PTPN21: variants seen among roughly 807,000 people sequenced by gnomAD.
PTPN21 encodes the protein tyrosine-protein phosphatase non-receptor type 21.
Under a neutral mutation model 131.8 loss-of-function variants are expected in PTPN21, and 77 were observed. That is an observed-to-expected ratio of 0.58 (90% CI 0.49 to 0.71). The LOEUF (loss-of-function observed/expected upper bound fraction) is 0.71, where lower values mean the gene tolerates loss of function less well. Ranked by LOEUF, PTPN21 falls within the 30% of genes least tolerant of loss-of-function variation. The probability of loss-of-function intolerance (pLI) is 0.00; values close to 1 mark genes in which losing one functional copy is unlikely to be tolerated. For synonymous variants in PTPN21, 715 were observed against 621.3 expected (o/e 1.15, Z -2.24); for missense variants, 1,552 against 1,527.1 (o/e 1.02, Z -0.27).
intron 2 of PTPN21, among the ~76,000 whole-genome samples, chr14:88,542,154 G>A (rs759299009): frequency 3.3e-4 from 50 of 152,188 alleles, no homozygotes; most frequent in Non-Finnish European, 5.4e-4. Flanking sequence ...CTTAAGTTTA[G>A]TTTCCTAATT....
intron 2 of PTPN21, among the ~76,000 whole-genome samples, chr14:88,534,132 G>C (rs2078593866): frequency 6.6e-6 from 1 of 151,930 alleles, no homozygotes; most frequent in Admixed American, 6.6e-5. Flanking sequence ...AGCATTTTGG[G>C]AGGCCAAGGT....
rs560582395 is a variant in PTPN21, at chr14:88,518,307, T to C, written c.181-1046A>G. On this transcript the variant is annotated intron_variant, in intron 2 of 18. Transcript: ENST00000556564. ...ACATACGCACACACACACACATATA[T>C]GTGTATATATACGTATATATACACA... Among the ~76,000 whole-genome samples, 238 of 108,068 alleles carry C rather than the reference T, an allele frequency of 2.2e-3. 2 individuals carry two copies. Among genetic ancestry groups the C allele is most frequent in the Non-Finnish European group, 3.5e-3 (190 of 53,690 alleles). The allele number at this position is 108,068 out of a possible 152,430, so 70.9% of individuals were successfully genotyped here.
intron 2 of PTPN21, among the ~76,000 whole-genome samples, chr14:88,545,929 T>C (rs2078770927): frequency 6.7e-6 from 1 of 148,566 alleles, no homozygotes; most frequent in Non-Finnish European, 1.5e-5. Flanking sequence ...GAGACGGAGG[T>C]TGCAGTGAGC....
intron 2 of PTPN21, among the ~76,000 whole-genome samples, chr14:88,521,948 G>A (rs941191866): frequency 3.3e-5 from 5 of 152,034 alleles, no homozygotes; most frequent in African/African-American, 1.2e-4. Context: ...CATTCTGAAA[G>A]GAAAACTGTT....
intron 1 of PTPN21, among the ~76,000 whole-genome samples, chr14:88,552,827 A>G (rs1184288706): frequency 6.6e-6 from 1 of 152,244 alleles, no homozygotes; most frequent in Non-Finnish European, 1.5e-5. Context: ...ACAACTTTAA[A>G]TAATAAGCTT....
intron 1 of PTPN21, chr14:88,552,103 T>G (rs1209035765): frequency 6.6e-6 from 1 of 152,142 alleles, no homozygotes; most frequent in Non-Finnish European, 1.5e-5. Flanking sequence ...TTCCCGACCC[T>G]CTCATCTGGC....
At chr14:88,468,298 T>C in intron 18 of PTPN21, 33 bp from the exon 19 acceptor site, 1 of 1,567,172 alleles carries the variant, frequency 6.4e-7, no homozygotes. Context: ...GAAGATAATG[T>C]GTTCCCCTGG....
chr14:88,518,226 CAAAAAAAAAAAAAA>C lies in PTPN21; in HGVS notation c.181-979_181-966del, dbSNP rs1172099704. 4.5e-4 allele frequency among the ~76,000 whole-genome samples: 5 copies of C among 11,070 alleles called. No homozygotes were observed. The East Asian group carries it at 0.02, about 45-fold the overall frequency. The allele number at this position is 11,070 out of a possible 152,430, so 7.3% of individuals were successfully genotyped here. On this transcript the variant is annotated intron_variant, in intron 2 of 18. Coordinates refer to ENST00000556564, the MANE Select transcript of PTPN21 (RefSeq NM_007039.4). ...TGGGCAACAGAGTGAGAATCTACCT[CAAAAAAAAAAAAAA>C]AAAAAAAAAAAAAAAATATATATAT...
intron 3 of PTPN21, 30 bp from the exon 4 acceptor site, chr14:88,508,050 A>C: frequency 8.1e-7 from 1 of 1,237,548 alleles, no homozygotes; most frequent in East Asian, 2.4e-5. Flanking sequence ...TATAAGGTCA[A>C]TGTCAATATT....
intron 3 of PTPN21, among the ~76,000 whole-genome samples, chr14:88,510,908 CAG>C (rs1566834181): frequency 6.8e-6 from 1 of 146,076 alleles, no homozygotes; most frequent in Admixed American, 6.8e-5. Context: ...GATACACAGA[CAG>C]ATAGATTTTT....
rs776314329 is a variant in PTPN21 at position 88,479,221 on chromosome 14, G to T, written c.2210C>A (p.Pro737His). The change falls in exon 13 of 19, where the codon CCC (proline) becomes CAC (histidine). Residue 737 changes from proline (P) to histidine (H), a missense_variant. Coordinates refer to ENST00000556564, the MANE Select transcript of PTPN21 (RefSeq NM_007039.4). The part of the protein sequence containing the change: ...APPARAREPR[P>H]GLAQDPPGCP... ...GCCAGGTGGGTCCTGGGCCAGGCCGGGCCGAGGCTCGCGCGCACGTGCAGG... is the reference window on the plus strand; with the variant it reads ...GCCAGGTGGGTCCTGGGCCAGGCCGTGCCGAGGCTCGCGCGCACGTGCAGG... The T allele has an allele frequency of 1.9e-5, 31 of 1,601,408 alleles. No individual in the cohort carries two copies. The highest frequency in any genetic ancestry group is 2.6e-5 in the Non-Finnish European group (31 of 1,174,050).
chr14:88,503,760 A>G (rs111231401), intron 6 of PTPN21: 2 of 152,184 alleles, frequency 1.3e-5, no homozygotes, highest in African/African-American at 4.8e-5. Flanking sequence ...TCAACTTACT[A>G]TGGGTTTATC....
At position 88,498,620 on chromosome 14, in the gene PTPN21, G is replaced by A. The variant is rs184143942; in HGVS notation, c.765-1330C>T. Among the ~76,000 whole-genome samples, 1,278 of 152,282 alleles carry A rather than the reference G, an allele frequency of 8.4e-3. 8 individuals carry two copies. Among genetic ancestry groups the A allele is most frequent in the Non-Finnish European group, 0.014 (986 of 68,016 alleles). The stretch of plus-strand genomic sequence containing the variant: ...TCGCACAGTTGGAGGGGAAAGGTGG[G>A]AGAAAGAACACAGAAGCAAACAAGA... On this transcript the variant is annotated intron_variant, in intron 8 of 18. Coordinates refer to ENST00000556564, the MANE Select transcript of PTPN21 (RefSeq NM_007039.4).
chr14:88,506,261 G>A (rs1263452157), intron 4 of PTPN21, among the ~76,000 whole-genome samples: 1 of 152,088 alleles, frequency 6.6e-6, no homozygotes, highest in Non-Finnish European at 1.5e-5. Context: ...GATCACTTGA[G>A]CACAGTAGGT....
chr14:88,550,844 G>A (rs963531676), intron 1 of PTPN21, among the ~76,000 whole-genome samples: 5 of 152,070 alleles, frequency 3.3e-5, no homozygotes, highest in Non-Finnish European at 4.4e-5. Flanking sequence ...ATAGCAAACT[G>A]GGCCATCCTC....
At chr14:88,475,672 C>T (rs1469776235) in intron 13 of PTPN21, among the ~76,000 whole-genome samples, 1 of 152,172 alleles carries the variant, frequency 6.6e-6, no homozygotes, top group East Asian at 1.9e-4. Context: ...GGTGTTTGCC[C>T]ATATCCATGG....
Position 88,468,203 on chromosome 14 carries a change from A to T in PTPN21, c.3459T>A (p.Thr1153=), listed in dbSNP as rs745890138. ...TGTACACAAATGTGTACTGGCAGAGAGTCTGCACCAGCATCATTCTCTGTT... is the reference window on the plus strand; with the variant it reads ...TGTACACAAATGTGTACTGGCAGAGTGTCTGCACCAGCATCATTCTCTGTT... ...LRQQRMMLVQ[T]LCQYTFVYRV... The change falls in exon 19 of 19, where the codon ACT becomes ACA. Residue 1153 remains threonine, a synonymous_variant. Transcript: ENST00000556564. 1.2e-6 allele frequency: 2 copies of T among 1,611,980 alleles called. No homozygotes were observed. Among genetic ancestry groups the T allele is most frequent in the East Asian group, 4.5e-5 (2 of 44,866 alleles).
At chr14:88,470,657 C>T (rs1031788829) in intron 15 of PTPN21, among the ~76,000 whole-genome samples, 4 of 152,228 alleles carry the variant, frequency 2.6e-5, no homozygotes, top group African/African-American at 9.6e-5. Flanking sequence ...ACTCACTAAA[C>T]GTAAAACCCA....
intron 2 of PTPN21, among the ~76,000 whole-genome samples, chr14:88,534,313 G>A (rs567002688): frequency 1.3e-4 from 20 of 151,620 alleles, no homozygotes; most frequent in African/African-American, 3.6e-4. Context: ...AACCCAGGAC[G>A]CAGAGGTTGC....
Sources: gnomAD v4.1 joint callset for allele counts (sites outside exome capture counted in the v4.1 genomes callset) on GRCh38, gnomAD v4.1.1 for gene constraint, MANE v1.5 for transcripts, NCBI Gene and HGNC (gene_info 2026-07-23, HGNC 2026-07-21) for gene names.